Variants in MARCHF11 observed in about 807,000 individuals in gnomAD.
The protein encoded by MARCHF11 is E3 ubiquitin-protein ligase MARCHF11.
A neutral mutation model predicts 37.3 loss-of-function variants in MARCHF11; 29 were observed. The observed-to-expected ratio is 0.78, with a 90% confidence interval of 0.58 to 1.06. The LOEUF (loss-of-function observed/expected upper bound fraction) is 1.06. Among genes scored for constraint, MARCHF11 ranks in the 50% least tolerant of loss-of-function variants. MARCHF11 has a pLI of 0.00. For synonymous variants in MARCHF11, 233 were observed against 228.0 expected, an observed-to-expected ratio of 1.02 and a Z score of -0.20; for missense variants, 482 against 533.4, an observed-to-expected ratio of 0.90 and a Z score of 0.95.
intron 2 of MARCHF11, among the ~76,000 whole-genome samples, chr5:16,117,011 T>G (rs1420774653): frequency 2.0e-5 from 3 of 152,072 alleles, no homozygotes; most frequent in Non-Finnish European, 4.4e-5. Context: ...ATGCTGGAGA[T>G]TTTAATTTTA....
At chr5:16,113,342 G>A (rs1416918945) in intron 2 of MARCHF11, among the ~76,000 whole-genome samples, 1 of 152,116 alleles carries the variant, frequency 6.6e-6, no homozygotes, top group Non-Finnish European at 1.5e-5. Context: ...TTTCAATAGT[G>A]TTCAATAACA....
At chr5:16,089,977 G>A (rs773076256) in intron 3 of MARCHF11, among the ~76,000 whole-genome samples, 1 of 152,190 alleles carries the variant, frequency 6.6e-6, no homozygotes, top group Non-Finnish European at 1.5e-5. Context: ...CGCTGAAGCT[G>A]GTAGTCCTCA....
intron 2 of MARCHF11, among the ~76,000 whole-genome samples, chr5:16,117,191 A>C (rs1257196062): frequency 6.6e-6 from 1 of 152,162 alleles, no homozygotes; most frequent in Non-Finnish European, 1.5e-5. Context: ...CACACAGAGG[A>C]GGGGGTCTAG....
At chr5:16,164,133 A>G (rs139958076) in intron 2 of MARCHF11, among the ~76,000 whole-genome samples, 2 of 152,208 alleles carry the variant, frequency 1.3e-5, no homozygotes, top group African/African-American at 4.8e-5. Flanking sequence ...GTAGTTTGTT[A>G]TAACAGCACA....
chr5:16,149,394 A>C (rs140474215), intron 2 of MARCHF11, among the ~76,000 whole-genome samples: 3 of 152,116 alleles, frequency 2.0e-5, no homozygotes, highest in Non-Finnish European at 2.9e-5. Context: ...TTCAATACCT[A>C]GTGTTGGCGC....
chr5:16,068,396 A>AT (rs1736384140), intron 3 of MARCHF11, among the ~76,000 whole-genome samples: 1 of 152,208 alleles, frequency 6.6e-6, no homozygotes, highest in African/African-American at 2.4e-5. Flanking sequence ...AGTCTTATAA[A>AT]TTTAAGTACT....
At chr5:16,093,495 T>C (rs544526614) in intron 2 of MARCHF11, among the ~76,000 whole-genome samples, 1 of 152,244 alleles carries the variant, frequency 6.6e-6, no homozygotes, top group East Asian at 1.9e-4. Flanking sequence ...GCACTGGCTG[T>C]AGTGTTTCCT....
intron 2 of MARCHF11, among the ~76,000 whole-genome samples, chr5:16,121,430 A>G (rs1476315946): frequency 1.3e-5 from 2 of 152,230 alleles, no homozygotes; most frequent in Non-Finnish European, 2.9e-5. Context: ...TATGGTAGGA[A>G]CACAGTATAT....
intron 2 of MARCHF11, among the ~76,000 whole-genome samples, chr5:16,101,017 C>T (rs554221840): frequency 7.0e-4 from 106 of 151,958 alleles, no homozygotes; most frequent in African/African-American, 2.4e-3. Flanking sequence ...ATTAATTTGC[C>T]GACTACAGGG....
chr5:16,067,469 T>C lies in MARCHF11; in HGVS notation c.*2A>G, dbSNP rs753376151. On this transcript the variant is annotated 3_prime_UTR_variant, in exon 4 of 4. Transcript: ENST00000332432. ...TCCACACTGCATCATCTTATGCTTT[T>C]GTCACACTGAAGTCACTCTCATCAC... is the stretch of plus-strand genomic sequence containing the variant. The C allele has an allele frequency of 6.2e-7, 1 of 1,611,612 alleles. No individual in the cohort carries two copies. Among genetic ancestry groups the C allele is most frequent in the African/African-American group, 1.3e-5 (1 of 74,914 alleles).
chr5:16,067,728 G>A lies in MARCHF11; in HGVS notation c.952C>T (p.His318Tyr), dbSNP rs758554813. 1.2e-6 allele frequency: 2 copies of A among 1,613,754 alleles called. No individual in the cohort carries two copies. Among genetic ancestry groups the A allele is most frequent in the East Asian group, 2.2e-5 (1 of 44,884 alleles). ...VFKRWRAVNL[H>Y]WDVLNYDKAT... ...TTGTCATAATTTAACACATCCCAGTGCAAATTCACAGCTCGCCAGCGCTTA... is the reference window on the plus strand; with the variant it reads ...TTGTCATAATTTAACACATCCCAGTACAAATTCACAGCTCGCCAGCGCTTA... Residue 318 changes from histidine (H) to tyrosine (Y), a missense_variant, in exon 4 of 4, where the codon CAC (histidine) becomes TAC (tyrosine). Coordinates refer to ENST00000332432, the MANE Select transcript of MARCHF11 (RefSeq NM_001102562.3).
chr5:16,153,851 C>G (rs1737926911), intron 2 of MARCHF11, among the ~76,000 whole-genome samples: 1 of 152,066 alleles, frequency 6.6e-6, no homozygotes, highest in South Asian at 2.1e-4. Context: ...CTGTCTGCAA[C>G]TTCTGAGAAA....
intron 2 of MARCHF11, among the ~76,000 whole-genome samples, chr5:16,176,999 A>G (rs538862794): frequency 6.6e-6 from 1 of 152,308 alleles, no homozygotes; most frequent in Admixed American, 6.5e-5. Flanking sequence ...CTGTTCAAAG[A>G]ACCTGAATCT....
Position 16,131,459 on chromosome 5 carries a change from T to C in MARCHF11, c.694-40378A>G, listed in dbSNP as rs1343085129. On this transcript the variant is annotated intron_variant, in intron 2 of 3. Transcript: ENST00000332432. ...TATACTAAAAGAAGGGTGAAAAACA[T>C]GTGGACCTTGGTATTAGAAAGGAAA... Among the ~76,000 whole-genome samples, 3 of 152,158 alleles carry C rather than the reference T, an allele frequency of 2.0e-5. No individual in the cohort carries two copies. The East Asian group carries it at 5.8e-4, about 29-fold the overall frequency.
intron 3 of MARCHF11, among the ~76,000 whole-genome samples, chr5:16,083,256 G>C (rs1178911128): frequency 1.3e-5 from 2 of 152,106 alleles, no homozygotes; most frequent in African/African-American, 4.8e-5. Flanking sequence ...CTGGATTCTG[G>C]TGGTCTTGGC....
chr5:16,147,902 T>C (rs1005336175), intron 2 of MARCHF11, among the ~76,000 whole-genome samples: 20 of 152,112 alleles, frequency 1.3e-4, no homozygotes, highest in Non-Finnish European at 2.5e-4. Flanking sequence ...TTACCTATTC[T>C]ATGCATTCAA....
chr5:16,151,649 ATGTGTG>A (rs58891017), intron 2 of MARCHF11, among the ~76,000 whole-genome samples: 4,586 of 131,436 alleles, frequency 0.035, 183 homozygotes, highest in African/African-American at 0.092. Flanking sequence ...CGTGAGTTGA[ATGTGTG>A]TGTGTGTGTG....
At chr5:16,101,784 G>A (rs905123250) in intron 2 of MARCHF11, among the ~76,000 whole-genome samples, 4 of 152,178 alleles carry the variant, frequency 2.6e-5, no homozygotes, top group African/African-American at 9.7e-5. Flanking sequence ...CTTGCTTTTG[G>A]AGCAGAATTT....
Position 16,118,405 on chromosome 5 carries a change from G to A in MARCHF11, c.694-27324C>T, listed in dbSNP as rs181035126. Reference sequence around the variant, plus strand: ...AAGGTCATTCAACTGGTTCCAATAAGAGGCAGGGGGGGAATGACTTGAACC... The same window carrying A: ...AAGGTCATTCAACTGGTTCCAATAAAAGGCAGGGGGGGAATGACTTGAACC... On this transcript the variant is annotated intron_variant, in intron 2 of 3. Coordinates refer to ENST00000332432, the MANE Select transcript of MARCHF11 (RefSeq NM_001102562.3). Among the ~76,000 whole-genome samples the A allele has an allele frequency of 2.2e-3, 339 of 151,758 alleles. 10 individuals carry two copies. Among genetic ancestry groups the A allele is most frequent in the Admixed American group, 0.02 (307 of 15,290 alleles).
Sources: allele counts gnomAD v4.1 joint callset (sites outside exome capture counted in the v4.1 genomes callset), GRCh38; gene constraint gnomAD v4.1.1; transcripts MANE v1.5; gene names NCBI Gene and HGNC (gene_info 2026-07-23, HGNC 2026-07-21).